Variants in SCAPER observed in about 807,000 individuals in gnomAD.
SCAPER encodes the protein S phase cyclin A-associated protein in the endoplasmic reticulum.
In SCAPER, 98 loss-of-function variants were observed where a neutral mutation model predicts 182.2. The observed-to-expected ratio is 0.54, with a 90% CI of 0.46 to 0.64. SCAPER has a LOEUF of 0.64. Ranked by LOEUF, SCAPER falls within the 30% of genes least tolerant of loss-of-function variation. The probability of loss-of-function intolerance (pLI) is 0.00; values close to 1 mark genes in which losing one functional copy is unlikely to be tolerated. For synonymous variants in SCAPER, 605 were observed against 564.6 expected, an observed-to-expected ratio of 1.07 and a Z score of -1.01; for missense variants, 1,432 against 1,690.0, an observed-to-expected ratio of 0.85 and a Z score of 2.68.
intron 17 of SCAPER, among the ~76,000 whole-genome samples, chr15:76,713,826 G>A (rs930438993): frequency 2.0e-5 from 3 of 152,008 alleles, no homozygotes; most frequent in Admixed American, 2.0e-4. Flanking sequence ...ATAGTTTTAA[G>A]TTTCCTAAAA....
In SCAPER at chr15:76,581,856, G is replaced by C. The variant is rs143447391; in HGVS notation, c.2712-7572C>G. Among the ~76,000 whole-genome samples, 426 of 152,088 alleles carry C rather than the reference G, an allele frequency of 2.8e-3. 1 individual carries two copies. The highest frequency in any genetic ancestry group is 9.9e-3 in the African/African-American group (412 of 41,510). Reference sequence around the variant, plus strand: ...CAGCCACAGCCTCCCAACATGCCAGGATTACAGGTGTGAGCCACCATGCCT... The same window carrying C: ...CAGCCACAGCCTCCCAACATGCCAGCATTACAGGTGTGAGCCACCATGCCT... On this transcript the variant is annotated intron_variant, in intron 22 of 31. Coordinates refer to ENST00000563290, the MANE Select transcript of SCAPER (RefSeq NM_020843.4).
intron 29 of SCAPER, among the ~76,000 whole-genome samples, chr15:76,370,302 T>TG (rs1371787389): frequency 3.7e-5 from 2 of 53,532 alleles, no homozygotes; most frequent in Admixed American, 2.9e-4. Flanking sequence ...TTTTTTTTTT[T>TG]TTTTTTTTTT....
chr15:76,851,373 C>T (rs774757722), intron 4 of SCAPER, among the ~76,000 whole-genome samples: 1 of 152,052 alleles, frequency 6.6e-6, no homozygotes, highest in African/African-American at 2.4e-5. Context: ...GATCAACCCC[C>T]AAGACATGTA....
chr15:76,587,557 C>A (rs1356038849), intron 22 of SCAPER, among the ~76,000 whole-genome samples: 1 of 152,184 alleles, frequency 6.6e-6, no homozygotes, highest in Non-Finnish European at 1.5e-5. Context: ...CATTCAGGAG[C>A]AGGTTATTTA....
chr15:76,399,673 C>A (rs1006004054), intron 27 of SCAPER, among the ~76,000 whole-genome samples: 1 of 152,158 alleles, frequency 6.6e-6, no homozygotes, highest in African/African-American at 2.4e-5. Context: ...AGACTAACAG[C>A]ACAAATTCTG....
chr15:76,843,143 C>A (rs201942318), intron 4 of SCAPER, among the ~76,000 whole-genome samples: 3 of 152,058 alleles, frequency 2.0e-5, no homozygotes, highest in East Asian at 3.8e-4. Flanking sequence ...CATTCATAAT[C>A]ATGAGTAATT....
chr15:76,398,455 A>C (rs1000972927), intron 27 of SCAPER, among the ~76,000 whole-genome samples: 1 of 152,222 alleles, frequency 6.6e-6, no homozygotes, highest in African/African-American at 2.4e-5. Flanking sequence ...CAATCCTAGC[A>C]CAGGGCCTGG....
chr15:76,520,931 A>G (rs2042786733), intron 23 of SCAPER, among the ~76,000 whole-genome samples: 1 of 152,220 alleles, frequency 6.6e-6, no homozygotes. Flanking sequence ...AATTATATAA[A>G]GGGTCAGTGG....
intron 1 of SCAPER, among the ~76,000 whole-genome samples, chr15:76,889,429 T>C (rs2074040785): frequency 6.6e-6 from 1 of 152,050 alleles, no homozygotes. Flanking sequence ...AGGAGACCCA[T>C]CTCATGTGCA....
chr15:76,635,849 G>A (rs1007112045), intron 21 of SCAPER, among the ~76,000 whole-genome samples: 13 of 152,086 alleles, frequency 8.5e-5, no homozygotes, highest in African/African-American at 3.1e-4. Flanking sequence ...TATTAATATG[G>A]TATATTATAT....
At position 76,733,756 on chromosome 15, in the gene SCAPER, A is replaced by G. The variant is rs192147470; in HGVS notation, c.1867-372T>C. 2.6e-5 allele frequency among the ~76,000 whole-genome samples: 4 copies of G among 152,152 alleles called. No homozygotes were observed. The East Asian group carries it at 5.8e-4, about 22-fold the overall frequency. ...GTGACAGAACAAGACTCCATATCAA[A>G]AAAGAAAGAAAGAAAGAAAGAAATC... On this transcript the variant is annotated intron_variant, in intron 15 of 31. Transcript: ENST00000563290.
chr15:76,455,800 T>C (rs543956974), intron 25 of SCAPER, among the ~76,000 whole-genome samples: 8 of 152,326 alleles, frequency 5.3e-5, no homozygotes, highest in African/African-American at 1.9e-4. Context: ...CATTAGGTTT[T>C]TGTCCTAATG....
intron 1 of SCAPER, among the ~76,000 whole-genome samples, chr15:76,899,903 A>C (rs2152627227): frequency 6.6e-6 from 1 of 152,360 alleles, no homozygotes; most frequent in South Asian, 2.1e-4. Flanking sequence ...CGAAAAGAAA[A>C]GGGGGAAATG....
intron 22 of SCAPER, among the ~76,000 whole-genome samples, chr15:76,582,854 A>C (rs143712043): frequency 0.014 from 2,088 of 152,338 alleles, 22 homozygotes; most frequent in Non-Finnish European, 0.022. Context: ...TGAGGAAAAA[A>C]CAGTCTCAAG....
intron 21 of SCAPER, among the ~76,000 whole-genome samples, chr15:76,644,293 T>C (rs1230947094): frequency 7.2e-5 from 11 of 152,130 alleles, no homozygotes; most frequent in Admixed American, 7.2e-4. Flanking sequence ...TGCAAAAAGG[T>C]AAAATAATGT....
At chr15:76,626,697 AC>A (rs1189843736) in intron 21 of SCAPER, among the ~76,000 whole-genome samples, 1 of 152,264 alleles carries the variant, frequency 6.6e-6, no homozygotes, top group Non-Finnish European at 1.5e-5. Flanking sequence ...AGCCTGGATG[AC>A]AGAGAGAGAT....
At chr15:76,707,789 G>A (rs1207903136) in intron 17 of SCAPER, among the ~76,000 whole-genome samples, 1 of 152,062 alleles carries the variant, frequency 6.6e-6, no homozygotes, top group Non-Finnish European at 1.5e-5. Context: ...TCCAACAACA[G>A]CAGAATGCAC....
chr15:76,471,050 G>T, intron 25 of SCAPER, 162 bp downstream of exon 25: 1 of 589,800 alleles, frequency 1.7e-6, no homozygotes, highest in Non-Finnish European at 2.5e-6. Context: ...AAATTTGTCT[G>T]CCAGTCTCTA....
intron 21 of SCAPER, among the ~76,000 whole-genome samples, chr15:76,637,916 C>T (rs1456224980): frequency 6.6e-6 from 1 of 151,688 alleles, no homozygotes; most frequent in African/African-American, 2.4e-5. Context: ...ACATACTGCT[C>T]ATTTGTATGT....
Sources: allele counts gnomAD v4.1 joint callset (sites outside exome capture counted in the v4.1 genomes callset), GRCh38; gene constraint gnomAD v4.1.1; transcripts MANE v1.5; gene names NCBI Gene and HGNC (gene_info 2026-07-23, HGNC 2026-07-21).